The following SPOCK1 variants were observed in gnomAD, a reference collection of about 807,000 sequenced individuals.
The protein encoded by SPOCK1 is SPARC (osteonectin), cwcv and kazal like domains proteoglycan 1.
In SPOCK1, 23 loss-of-function variants were observed where a neutral mutation model predicts 55.3. The ratio of observed to expected loss-of-function variants is 0.42; its 90% CI spans 0.30 to 0.59. The LOEUF (loss-of-function observed/expected upper bound fraction) is 0.59. Among genes scored for constraint, SPOCK1 ranks in the 20% least tolerant of loss-of-function variants. The probability of loss-of-function intolerance (pLI) is 0.22; values close to 1 mark genes in which losing one functional copy is unlikely to be tolerated. For missense variants in SPOCK1, 499 were observed against 552.5 expected, an observed-to-expected ratio of 0.90 and a Z score of 0.97; for synonymous variants, 226 against 221.0, an observed-to-expected ratio of 1.02 and a Z score of -0.20.
chr5:137,274,066 C>T (rs1044644640), intron 2 of SPOCK1, among the ~76,000 whole-genome samples: 1 of 152,146 alleles, frequency 6.6e-6, no homozygotes, highest in African/African-American at 2.4e-5. Flanking sequence ...TTGTTCTTTT[C>T]CCAAGGGAAA....
rs567647100 is a variant in SPOCK1 at position 137,165,529 on chromosome 5, C to G, written c.233-24835G>C. ...GACACAGATGGACATCTACAATTATCATGATGATCCAGGAAAACACGACCT... is the reference window on the plus strand; with the variant it reads ...GACACAGATGGACATCTACAATTATGATGATGATCCAGGAAAACACGACCT... On this transcript the variant is annotated intron_variant, in intron 3 of 10. Transcript: ENST00000394945. Among the ~76,000 whole-genome samples, 4 of 152,244 alleles carry G rather than the reference C, an allele frequency of 2.6e-5. No homozygotes were observed. In the East Asian group the frequency reaches 5.8e-4, roughly 22 times the overall value.
intron 6 of SPOCK1, among the ~76,000 whole-genome samples, chr5:137,066,963 T>TATACAC (rs1554095746): frequency 3.2e-5 from 4 of 126,252 alleles, no homozygotes; most frequent in African/African-American, 5.7e-5. Flanking sequence ...AACATAAGCA[T>TATACAC]ACACACACAC....
intron 3 of SPOCK1, among the ~76,000 whole-genome samples, chr5:137,159,612 T>G (rs1364893177): frequency 6.6e-6 from 1 of 152,138 alleles, no homozygotes; most frequent in African/African-American, 2.4e-5. Flanking sequence ...GTTCCTAAGT[T>G]ATTTCACTTA....
chr5:137,166,545 G>A (rs1028832749), intron 3 of SPOCK1, among the ~76,000 whole-genome samples: 2 of 151,990 alleles, frequency 1.3e-5, no homozygotes, highest in African/African-American at 4.8e-5. Flanking sequence ...TGAAACTGTG[G>A]TATGTAAACT....
At chr5:137,211,846 AC>A (rs1755624017) in intron 3 of SPOCK1, among the ~76,000 whole-genome samples, 1 of 152,084 alleles carries the variant, frequency 6.6e-6, no homozygotes, top group African/African-American at 2.4e-5. Context: ...AGGGTGGTGC[AC>A]CCCAAGAGGA....
intron 2 of SPOCK1, among the ~76,000 whole-genome samples, chr5:137,444,229 G>C (rs942545755): frequency 6.6e-6 from 1 of 152,080 alleles, no homozygotes; most frequent in African/African-American, 2.4e-5. Flanking sequence ...CTGCCTAGAT[G>C]CTCCCCCTGT....
rs1221192550 is a variant in SPOCK1 at position 136,979,479 on chromosome 5, C to G, written c.992-10G>C. ...CGAGGTATGAAGGCCCCTGGGGGAA[C>G]AAAAGGTGCAACTTTAATCAGAGAC... On this transcript the variant is annotated splice_polypyrimidine_tract_variant and intron_variant, in intron 9 of 10. Transcript: ENST00000394945. The G allele has an allele frequency of 3.1e-6, 5 of 1,608,470 alleles. No individual in the cohort carries two copies. In the African/African-American group the frequency reaches 6.8e-5, roughly 22 times the overall value.
At chr5:137,335,573 C>T (rs1267048371) in intron 2 of SPOCK1, among the ~76,000 whole-genome samples, 1 of 152,148 alleles carries the variant, frequency 6.6e-6, no homozygotes, top group Non-Finnish European at 1.5e-5. Flanking sequence ...AAGTTTGAGA[C>T]GACACTGCTT....
intron 2 of SPOCK1, among the ~76,000 whole-genome samples, chr5:137,392,652 C>T (rs1014335759): frequency 1.3e-5 from 2 of 152,154 alleles, no homozygotes; most frequent in African/African-American, 2.4e-5. Flanking sequence ...GGGGATAATA[C>T]GAGTACTGTT....
chr5:137,276,955 G>A (rs939964923), intron 2 of SPOCK1, among the ~76,000 whole-genome samples: 2 of 152,050 alleles, frequency 1.3e-5, no homozygotes, highest in Non-Finnish European at 2.9e-5. Flanking sequence ...TCAAATCAAA[G>A]CCCAAATCAA....
intron 2 of SPOCK1, among the ~76,000 whole-genome samples, chr5:137,327,773 C>T (rs193195083): frequency 2.0e-5 from 3 of 152,182 alleles, no homozygotes; most frequent in Admixed American, 2.0e-4. Context: ...AGAAAATGAA[C>T]CAAAATCATA....
At chr5:137,315,736 C>G (rs1338825628) in intron 2 of SPOCK1, among the ~76,000 whole-genome samples, 1 of 152,198 alleles carries the variant, frequency 6.6e-6, no homozygotes, top group Admixed American at 6.5e-5. Context: ...CCAGCACTAG[C>G]AAGGCAGGCA....
intron 2 of SPOCK1, among the ~76,000 whole-genome samples, chr5:137,336,131 T>G (rs774477665): frequency 2.8e-4 from 42 of 152,332 alleles, no homozygotes; most frequent in Admixed American, 2.0e-4. Context: ...TCCTTGGTGT[T>G]AAGATTGAGG....
chr5:137,455,287 G>A (rs1317535178), intron 2 of SPOCK1, among the ~76,000 whole-genome samples: 1 of 152,214 alleles, frequency 6.6e-6, no homozygotes, highest in African/African-American at 2.4e-5. Flanking sequence ...TCTGAGGCCA[G>A]AAAAGGTGGA....
At chr5:137,285,755 G>C (rs529707579) in intron 2 of SPOCK1, among the ~76,000 whole-genome samples, 32 of 152,274 alleles carry the variant, frequency 2.1e-4, no homozygotes, top group African/African-American at 6.5e-4. Flanking sequence ...GAAGCCTTTT[G>C]CACCAATTGT....
At chr5:137,194,209 G>A (rs1755250727) in intron 3 of SPOCK1, among the ~76,000 whole-genome samples, 5 of 152,198 alleles carry the variant, frequency 3.3e-5, no homozygotes, top group Admixed American at 3.3e-4. Context: ...ACCCACAGGT[G>A]GAAAAAGAGA....
intron 3 of SPOCK1, among the ~76,000 whole-genome samples, chr5:137,240,719 T>C (rs1024052121): frequency 6.6e-6 from 1 of 152,024 alleles, no homozygotes; most frequent in African/African-American, 2.4e-5. Flanking sequence ...AGTTTATCCT[T>C]AAATACATTT....
At chr5:137,086,105 T>C (rs988872449) in intron 5 of SPOCK1, among the ~76,000 whole-genome samples, 1 of 152,202 alleles carries the variant, frequency 6.6e-6, no homozygotes, top group Non-Finnish European at 1.5e-5. Context: ...CTTTTCTCAC[T>C]GGGTTAATTT....
intron 2 of SPOCK1, among the ~76,000 whole-genome samples, chr5:137,439,427 G>C (rs1308507677): frequency 6.6e-6 from 1 of 152,150 alleles, no homozygotes; most frequent in Non-Finnish European, 1.5e-5. Flanking sequence ...AGTCCCAAAA[G>C]GCTGAAAAGC....
Sources: gnomAD v4.1 joint callset for allele counts (sites outside exome capture counted in the v4.1 genomes callset) on GRCh38, gnomAD v4.1.1 for gene constraint, MANE v1.5 for transcripts, NCBI Gene and HGNC (gene_info 2026-07-23, HGNC 2026-07-21) for gene names.